Variants in WASHC4 observed in about 807,000 individuals in gnomAD.
WASHC4 encodes the protein WASH complex subunit 4.
Under a neutral mutation model 166.6 loss-of-function variants are expected in WASHC4, and 86 were observed. The ratio of observed to expected loss-of-function variants is 0.52; its 90% CI spans 0.43 to 0.62. The LOEUF (loss-of-function observed/expected upper bound fraction) is 0.62, where lower values mean the gene tolerates loss of function less well. WASHC4 is among the 20% of genes least tolerant of loss of function. The pLI is 0.00. For synonymous variants in WASHC4, 446 were observed against 451.6 expected (o/e 0.99, Z 0.16); for missense variants, 1,262 against 1,382.4 (o/e 0.91, Z 1.38).
Position 105,114,262 on chromosome 12 carries a change from A to G in WASHC4, c.248A>G (p.Glu83Gly), listed in dbSNP as rs1415976999. The change falls in exon 3 of 33, where the codon GAA becomes GGA. Residue 83 changes from glutamate to glycine, a missense_variant. Glu to Gly is a moderately conservative substitution (Grantham distance 98). Coordinates refer to ENST00000332180, the MANE Select transcript of WASHC4 (RefSeq NM_015275.3). Reference sequence around the variant, plus strand: ...TCTCTTTTGGAACTCATAAAGACTGAAAACAAGGTACAGAATCCTAAATCT... The same window carrying G: ...TCTCTTTTGGAACTCATAAAGACTGGAAACAAGGTACAGAATCCTAAATCT... ...QSSLLELIKT[E>G]NKVLNKVITV... 1 of 1,609,810 alleles carries G rather than the reference A, an allele frequency of 6.2e-7. No individual in the cohort carries two copies.
At chr12:105,140,792 T>C in intron 16 of WASHC4, 107 bp from the exon 17 acceptor site, 13 of 1,095,012 alleles carry the variant, frequency 1.2e-5, no homozygotes, top group Non-Finnish European at 1.8e-5. Context: ...AAAGTATTTG[T>C]GTATGCTCTC....
rs1306247491 is a variant in WASHC4 at position 105,169,017 on chromosome 12, A to G, written c.*2086A>G. ...CCATAACATTGTCAGTTCTAATGAA[A>G]TTTTGTAAAAGATGGCAAGTTTGTT... On this transcript the variant is annotated 3_prime_UTR_variant, in exon 33 of 33. Coordinates refer to ENST00000332180, the MANE Select transcript of WASHC4 (RefSeq NM_015275.3). The G allele has an allele frequency of 6.6e-6, 1 of 152,598 alleles. No homozygotes were observed. Among genetic ancestry groups the G allele is most frequent in the Non-Finnish European group, 1.5e-5 (1 of 68,010 alleles). 9.5% of individuals were successfully genotyped at this position (152,598 alleles called of 1,614,324 possible).
At chr12:105,147,765 C>T (rs1014824075) in intron 24 of WASHC4, 5 of 356,920 alleles carry the variant, frequency 1.4e-5, no homozygotes, top group South Asian at 1.1e-4. Context: ...ATTAGCCAGG[C>T]GTGGTGGCGG....
chr12:105,158,512 A>G (rs377144355), intron 28 of WASHC4, among the ~76,000 whole-genome samples: 6 of 152,282 alleles, frequency 3.9e-5, no homozygotes, highest in African/African-American at 1.4e-4. Context: ...TTAGAATGTG[A>G]GCATTTTATG....
At position 105,107,805 on chromosome 12, in the gene WASHC4, C is replaced by T. The variant is rs918237951; in HGVS notation, c.5C>T (p.Ala2Val). ...TCTGTGGGAGGCGCCGGGGTGATGG[C>T]GGTGGAGACTCTGTCCCCGGACTGG... is the stretch of plus-strand genomic sequence containing the variant. The part of the protein sequence containing the change: M[A>V]VETLSPDWEF... Residue 2 changes from alanine to valine, a missense_variant, in exon 1 of 33, where the codon GCG becomes GTG. Physicochemically the swap from Ala to Val is moderately conservative, Grantham distance 64. Transcript: ENST00000332180. 43 of 1,550,154 alleles carry T rather than the reference C, an allele frequency of 2.8e-5. No individual in the cohort carries two copies. Among genetic ancestry groups the T allele is most frequent in the Non-Finnish European group, 3.7e-5 (42 of 1,146,006 alleles).
At chr12:105,127,025 T>C (rs1007577127) in intron 12 of WASHC4, 104 bp from the exon 13 acceptor site, 234 of 955,340 alleles carry the variant, frequency 2.4e-4, no homozygotes, top group Non-Finnish European at 5.2e-5. Flanking sequence ...GTGGTTATTT[T>C]TTCTTGAAAT....
chr12:105,129,552 G>A (rs1881613156), intron 13 of WASHC4, among the ~76,000 whole-genome samples: 1 of 152,198 alleles, frequency 6.6e-6, no homozygotes, highest in Admixed American at 6.5e-5. Context: ...GCTGGTGTTT[G>A]GTGGTGCCAT....
At chr12:105,144,266 T>C in intron 20 of WASHC4, 21 bp from the exon 21 acceptor site, 1 of 1,596,068 alleles carries the variant, frequency 6.3e-7, no homozygotes, top group Non-Finnish European at 8.6e-7. Context: ...AAAATTAAAG[T>C]ATCAAATCTT....
chr12:105,125,949 G>A (rs1280300519), intron 10 of WASHC4, 55 bp from the exon 11 acceptor site: 3 of 1,535,714 alleles, frequency 2.0e-6, no homozygotes, highest in Non-Finnish European at 2.7e-6. Flanking sequence ...ATATTTAAAT[G>A]TTTAATCGTT....
chr12:105,107,756 C>G lies in WASHC4; in HGVS notation c.-45C>G. ...AGTAGCTGGGGTGAGGCCGTCGTCGCCGCACGGGCTGGTTGGGGCTGTGTC... is the reference window on the plus strand; with the variant it reads ...AGTAGCTGGGGTGAGGCCGTCGTCGGCGCACGGGCTGGTTGGGGCTGTGTC... On this transcript the variant is annotated 5_prime_UTR_variant, in exon 1 of 33. Coordinates refer to ENST00000332180, the MANE Select transcript of WASHC4 (RefSeq NM_015275.3). 2 of 1,463,858 alleles carry G rather than the reference C, an allele frequency of 1.4e-6. No homozygotes were observed. Among genetic ancestry groups the G allele is most frequent in the Non-Finnish European group, 1.9e-6 (2 of 1,070,506 alleles). 90.7% of individuals were successfully genotyped at this position (1,463,858 alleles called of 1,614,324 possible). A position where few individuals can be genotyped will look rare whatever the true frequency, so the allele number is the denominator to read the frequency against.
intron 15 of WASHC4, among the ~76,000 whole-genome samples, chr12:105,138,267 G>A (rs888787014): frequency 1.1e-4 from 17 of 150,932 alleles, no homozygotes; most frequent in African/African-American, 2.9e-4. Flanking sequence ...AAAAGTTAAT[G>A]TAGTGAGAGA....
At position 105,122,120 on chromosome 12, in the gene WASHC4, T is replaced by C. The variant is rs778589145; in HGVS notation, c.668T>C (p.Leu223Ser). ...LKDHWTMYKRLLKSVHHNPSK... is the reference protein window; with the variant it reads ...LKDHWTMYKRSLKSVHHNPSK... ...TGTTTCTCTTAATTTTCCTCAAGGT[T>C]ACTGAAATCTGTCCATCACAATCCT... Residue 223 changes from leucine to serine, a missense_variant and splice_region_variant, in exon 10 of 33, where the codon TTA becomes TCA. Coordinates refer to ENST00000332180, the MANE Select transcript of WASHC4 (RefSeq NM_015275.3). 2 of 1,593,864 alleles carry C rather than the reference T, an allele frequency of 1.3e-6. No homozygotes were observed. The highest frequency in any genetic ancestry group is 8.6e-7 in the Non-Finnish European group (1 of 1,162,642).
At chr12:105,139,944 C>T (rs1211627) in intron 15 of WASHC4, among the ~76,000 whole-genome samples, 89,733 of 150,374 alleles carry the variant, frequency 0.6, 27,108 homozygotes, top group South Asian at 0.75. Flanking sequence ...AGTGCAGTGG[C>T]GCCATCTCGG....
At chr12:105,129,952 GT>G (rs2135760417) in intron 13 of WASHC4, among the ~76,000 whole-genome samples, 1 of 152,294 alleles carries the variant, frequency 6.6e-6, no homozygotes, top group South Asian at 2.1e-4. Flanking sequence ...AACAATTAAT[GT>G]TTATGGAGTG....
intron 13 of WASHC4, among the ~76,000 whole-genome samples, chr12:105,130,782 G>A (rs183272773): frequency 6.2e-4 from 95 of 152,246 alleles, no homozygotes; most frequent in African/African-American, 2.0e-3. Context: ...CAAGGTTTGT[G>A]GATTTTTGCA....
chr12:105,142,346 C>T (rs868762985), intron 18 of WASHC4, 107 bp from the exon 19 acceptor site: 11 of 724,556 alleles, frequency 1.5e-5, no homozygotes, highest in Non-Finnish European at 2.5e-5. Context: ...GTAGGGAATG[C>T]GAACTGTGTA....
At chr12:105,125,848 A>T (rs1196826) in intron 10 of WASHC4, among the ~76,000 whole-genome samples, 156 bp from the exon 11 acceptor site, 1 of 151,720 alleles carries the variant, frequency 6.6e-6, no homozygotes, top group Non-Finnish European at 1.5e-5. Context: ...AAAGATCTAA[A>T]TATTAGATTA....
At position 105,127,309 on chromosome 12, in the gene WASHC4, A is replaced by G. The variant is rs374067375; in HGVS notation, c.1199+20A>G. The G allele has an allele frequency of 7.4e-6, 11 of 1,487,848 alleles. No homozygotes were observed. The highest frequency in any genetic ancestry group is 5.7e-5 in the South Asian group (5 of 88,320). 92.2% of individuals were successfully genotyped at this position (1,487,848 alleles called of 1,614,324 possible). On this transcript the variant is annotated intron_variant, in intron 13 of 32. Coordinates refer to ENST00000332180, the MANE Select transcript of WASHC4 (RefSeq NM_015275.3). The stretch of plus-strand genomic sequence containing the variant: ...TACCAAGTAGGTTTTATAAACAAGT[A>G]TAATGAAAATATTTAGATATCCTTT...
intron 1 of WASHC4, among the ~76,000 whole-genome samples, chr12:105,110,633 A>T (rs143354238): frequency 2.9e-4 from 44 of 152,268 alleles, no homozygotes; most frequent in African/African-American, 1.0e-3. Flanking sequence ...CAGGTATAAA[A>T]CCTCCATTTA....
Sources: allele counts gnomAD v4.1 joint callset (sites outside exome capture counted in the v4.1 genomes callset), GRCh38; gene constraint gnomAD v4.1.1; transcripts MANE v1.5; gene names NCBI Gene and HGNC (gene_info 2026-07-23, HGNC 2026-07-21).